Variants in TMEM101 observed in about 807,000 individuals in gnomAD.
TMEM101 encodes the protein putative NF-kappa-B-activating protein 130.
TMEM101 carries 14 observed loss-of-function variants against 26.0 expected under a neutral mutation model. That is an observed-to-expected ratio of 0.54 (90% CI 0.36 to 0.84). The LOEUF is 0.84. Ranked by LOEUF, TMEM101 falls within the 40% of genes least tolerant of loss-of-function variation. The pLI is 0.01. For synonymous variants in TMEM101, 152 were observed against 145.1 expected, an observed-to-expected ratio of 1.05 and a Z score of -0.34; for missense variants, 292 against 345.1, an observed-to-expected ratio of 0.85 and a Z score of 1.22.
chr17:44,016,819 A>G (rs1187900232), upstream of TMEM101, among the ~76,000 whole-genome samples: 2 of 152,142 alleles, frequency 1.3e-5, no homozygotes, highest in Non-Finnish European at 2.9e-5. Context: ...GCCCTCAGGA[A>G]ATATGTGCTG....
intron 2 of TMEM101, among the ~76,000 whole-genome samples, chr17:44,020,059 T>A (rs1468297750): frequency 6.6e-6 from 1 of 152,198 alleles, no homozygotes; most frequent in African/African-American, 2.4e-5. Flanking sequence ...GTAAGCTGAA[T>A]GTTTGAATTT....
upstream of TMEM101, among the ~76,000 whole-genome samples, chr17:44,017,476 C>T (rs2049244592): frequency 6.6e-6 from 1 of 151,628 alleles, no homozygotes; most frequent in African/African-American, 2.4e-5. Flanking sequence ...CGCCTGCAGT[C>T]CCAGCTACTC....
Position 44,014,862 on chromosome 17 carries a change from A to C in TMEM101, c.91T>G (p.Cys31Gly), listed in dbSNP as rs139186093. 60 of 1,613,546 alleles carry C rather than the reference A, an allele frequency of 3.7e-5. No individual in the cohort carries two copies. Among genetic ancestry groups the C allele is most frequent in the Non-Finnish European group, 4.9e-5 (58 of 1,179,704 alleles). ...VLLTRCPFWG[C>G]FSQLMLYAER... ...GCGTACAGCATGAGCTGGCTGAAGC[A>C]GCCCCAAAAGGGGCAGCGTGTGAGC... The change falls in exon 1 of 4, where the codon TGC (cysteine) becomes GGC (glycine). Residue 31 changes from cysteine (C) to glycine (G), a missense_variant. Around this residue, in one of 2 missense-constraint regions of TMEM101, gnomAD observed 143 missense variants for 133.2 expected, o/e 1.07. Transcript: ENST00000206380.
At chr17:44,023,107 G>A (rs755431445), upstream of TMEM101, 13 of 339,732 alleles carry the variant, frequency 3.8e-5, no homozygotes, top group Admixed American at 1.5e-4. Flanking sequence ...CCACTCGTCC[G>A]TGCACAGACG....
At position 44,011,699 on chromosome 17, in the gene TMEM101, G is replaced by A; in HGVS notation, c.*229C>T. On this transcript the variant is annotated 3_prime_UTR_variant, in exon 4 of 4. Transcript: ENST00000206380. ...CAGCTGGCCTCAGCTCTCCTAACAG[G>A]AAAAAAACCTGTACAGCATTAGTGC... 1.8e-6 allele frequency: 1 copy of A among 551,148 alleles called. No homozygotes were observed. The highest frequency in any genetic ancestry group is 3.1e-5 in the East Asian group (1 of 32,116). The allele number at this position is 551,148 out of a possible 1,614,324, so 34.1% of individuals were successfully genotyped here. A position where few individuals can be genotyped will look rare whatever the true frequency, so the allele number is the denominator to read the frequency against.
At chr17:44,020,361 C>T (rs1027935220) in intron 2 of TMEM101, among the ~76,000 whole-genome samples, 1 of 152,176 alleles carries the variant, frequency 6.6e-6, no homozygotes, top group African/African-American at 2.4e-5. Flanking sequence ...AACAAAGGTG[C>T]TGTGTTTTGT....
chr17:44,020,344 T>C (rs1380535080), intron 2 of TMEM101, among the ~76,000 whole-genome samples: 2 of 152,182 alleles, frequency 1.3e-5, no homozygotes, highest in East Asian at 3.9e-4. Flanking sequence ...TAATGTGTAA[T>C]TGAAGTAACA....
At chr17:44,012,379 G>T in intron 3 of TMEM101, 143 bp from the exon 4 acceptor site, 2 of 764,852 alleles carry the variant, frequency 2.6e-6, no homozygotes, top group East Asian at 2.7e-5. Flanking sequence ...TCTGAAAGTA[G>T]GGCCTTTGTC....
chr17:44,016,125 G>GCACA (rs34740275), upstream of TMEM101, among the ~76,000 whole-genome samples: 9 of 147,946 alleles, frequency 6.1e-5, no homozygotes, highest in South Asian at 2.1e-4. Flanking sequence ...AGATACACAC[G>GCACA]CACACACACA....
upstream of TMEM101, among the ~76,000 whole-genome samples, chr17:44,017,593 CAAA>C (rs1242207636): frequency 2.7e-5 from 2 of 75,176 alleles, no homozygotes; most frequent in African/African-American, 1.2e-4. Context: ...GACAACATCT[CAAA>C]AAAAAAAAAA....
chr17:44,012,942 T>C, intron 3 of TMEM101, 67 bp downstream of exon 3: 1 of 1,446,962 alleles, frequency 6.9e-7, no homozygotes, highest in Non-Finnish European at 9.3e-7. Flanking sequence ...TTCCTGGGGT[T>C]CTGCCATGCC....
In TMEM101 at chr17:44,013,173, G is replaced by A. The variant is rs762800255; in HGVS notation, c.319-18C>T. Reference sequence around the variant, plus strand: ...ATACGGACCTAGGCCGGGGTAAGGGGACCCCAGTCAAGAACTGCAGCCGCC... The same window carrying A: ...ATACGGACCTAGGCCGGGGTAAGGGAACCCCAGTCAAGAACTGCAGCCGCC... On this transcript the variant is annotated intron_variant, in intron 2 of 3. Coordinates refer to ENST00000206380, the MANE Select transcript of TMEM101 (RefSeq NM_032376.4). The A allele has an allele frequency of 3.3e-6, 5 of 1,521,390 alleles. No individual in the cohort carries two copies. The highest frequency in any genetic ancestry group is 1.2e-5 in the South Asian group (1 of 81,560). The allele number at this position is 1,521,390 out of a possible 1,614,324, so 94.2% of individuals were successfully genotyped here.
intron 1 of TMEM101, among the ~76,000 whole-genome samples, chr17:44,022,850 A>G (rs1408501548): frequency 2.6e-5 from 4 of 152,168 alleles, no homozygotes; most frequent in Admixed American, 2.0e-4. Flanking sequence ...TGAGAGACGC[A>G]TGAGGGGAGA....
chr17:44,018,875 C>T (rs1340449631), upstream of TMEM101, among the ~76,000 whole-genome samples: 1 of 152,176 alleles, frequency 6.6e-6, no homozygotes, highest in Middle Eastern at 3.2e-3. Context: ...GCTCTTTCCT[C>T]TTTCCCAGAG....
intron 2 of TMEM101, among the ~76,000 whole-genome samples, chr17:44,013,662 AAAC>A (rs1240478708): frequency 1.3e-5 from 2 of 152,304 alleles, no homozygotes; most frequent in East Asian, 1.9e-4. Context: ...CTGTTTCAAA[AAAC>A]AACAACAAAA....
upstream of TMEM101, among the ~76,000 whole-genome samples, chr17:44,018,515 A>G (rs1306846756): frequency 6.6e-6 from 1 of 152,204 alleles, no homozygotes; most frequent in African/African-American, 2.4e-5. Flanking sequence ...CTTTACCACA[A>G]TATAGGCACA....
intron 2 of TMEM101, 115 bp downstream of exon 2, chr17:44,014,242 G>T: frequency 7.8e-7 from 1 of 1,288,192 alleles, no homozygotes; most frequent in Non-Finnish European, 1.1e-6. Flanking sequence ...GAACCTCCCA[G>T]GCTTCACACT....
At chr17:44,020,248 C>A (rs1177656146) in intron 2 of TMEM101, among the ~76,000 whole-genome samples, 1 of 152,140 alleles carries the variant, frequency 6.6e-6, no homozygotes, top group Non-Finnish European at 1.5e-5. Flanking sequence ...GTCTCCCCGT[C>A]CAAGCAGGTA....
At chr17:44,012,311 CACCTGCAAATG>C in intron 3 of TMEM101, 75 bp from the exon 4 acceptor site, 1 of 1,428,036 alleles carries the variant, frequency 7.0e-7, no homozygotes, top group East Asian at 2.4e-5. Context: ...CCTGAGATGG[CACCTGCAAATG>C]AGTCCCTGCA....
Sources: gnomAD v4.1 joint callset for allele counts (sites outside exome capture counted in the v4.1 genomes callset) on GRCh38, gnomAD v4.1.1 for gene constraint, gnomAD v4.1.1 regional missense constraint, MANE v1.5 for transcripts, NCBI Gene and HGNC (gene_info 2026-07-23, HGNC 2026-07-21) for gene names.